UBN1: variants seen among roughly 807,000 people sequenced by gnomAD.
UBN1 encodes ubinuclein 1.
UBN1 carries 17 observed loss-of-function variants against 108.5 expected under a neutral mutation model. The observed-to-expected ratio is 0.16, with a 90% CI of 0.11 to 0.24. The LOEUF (loss-of-function observed/expected upper bound fraction) is 0.24, where lower values mean the gene tolerates loss of function less well. Ranked by LOEUF, UBN1 falls within the 10% of genes least tolerant of loss-of-function variation. The pLI is 1.00. For missense variants in UBN1, 1,595 were observed against 1,394.4 expected (o/e 1.14, Z -2.29); for synonymous variants, 726 against 564.2 (o/e 1.29, Z -4.07).
intron 5 of UBN1, 28 bp from the exon 6 acceptor site, chr16:4,859,837 G>A: frequency 2.5e-6 from 4 of 1,613,278 alleles, no homozygotes; most frequent in Non-Finnish European, 3.4e-6. Flanking sequence ...AGGGAGCCGT[G>A]TAACTGTGCC....
intron 15 of UBN1, among the ~76,000 whole-genome samples, chr16:4,876,494 T>G (rs571111213): frequency 8.4e-4 from 127 of 152,084 alleles, no homozygotes; most frequent in African/African-American, 3.0e-3. Context: ...CATGAACATT[T>G]ATGGATATCT....
rs1481015612 is a variant in UBN1 at position 4,860,778 on chromosome 16, G to A, written c.786G>A (p.Arg262=). ...FQKEKEAQKK[R]EEEHKPVAVP... is the part of the protein sequence containing the mutation. ...AAGAGAAAGAGGCTCAGAAAAAAAG[G>A]GAGGAGGAGCATAAGCCTGTTGCGG... Residue 262 remains arginine (R), a synonymous_variant, in exon 7 of 18, where the codon AGG becomes AGA. Transcript: ENST00000262376. 4 of 1,614,286 alleles carry A rather than the reference G, an allele frequency of 2.5e-6. No individual in the cohort carries two copies. In the Admixed American group the frequency reaches 5.0e-5, roughly 20 times the overall value.
chr16:4,863,587 C>G (rs1011553819), intron 7 of UBN1, among the ~76,000 whole-genome samples: 1 of 152,094 alleles, frequency 6.6e-6, no homozygotes, highest in South Asian at 2.1e-4. Flanking sequence ...TTACGTGTTT[C>G]TCACTTTATT....
chr16:4,879,139 G>A (rs1347528191), intron 17 of UBN1, among the ~76,000 whole-genome samples: 1 of 152,210 alleles, frequency 6.6e-6, no homozygotes, highest in Non-Finnish European at 1.5e-5. Flanking sequence ...TGTAGTTTCA[G>A]TTAGGAGGAG....
chr16:4,862,306 C>T (rs2087105182), intron 7 of UBN1, among the ~76,000 whole-genome samples: 1 of 152,186 alleles, frequency 6.6e-6, no homozygotes, highest in African/African-American at 2.4e-5. Flanking sequence ...ATTTGAACAC[C>T]ATATACAAAG....
chr16:4,873,007 T>G, intron 13 of UBN1, 24 bp from the exon 14 acceptor site: 1 of 1,614,230 alleles, frequency 6.2e-7, no homozygotes, highest in Non-Finnish European at 8.5e-7. Flanking sequence ...CTCTAAACTT[T>G]TCTGTGCTCA....
At chr16:4,865,792 C>G (rs1482068478) in intron 7 of UBN1, among the ~76,000 whole-genome samples, 2 of 152,036 alleles carry the variant, frequency 1.3e-5, no homozygotes, top group African/African-American at 4.8e-5. Context: ...GAAACCCCAT[C>G]TCTACTAAAA....
At chr16:4,876,152 G>A (rs1055194190) in intron 15 of UBN1, among the ~76,000 whole-genome samples, 3 of 152,026 alleles carry the variant, frequency 2.0e-5, no homozygotes. Context: ...TAGAGATGGA[G>A]TTTCACCATG....
chr16:4,865,909 C>T (rs1028013933), intron 7 of UBN1, among the ~76,000 whole-genome samples: 12 of 152,070 alleles, frequency 7.9e-5, no homozygotes, highest in African/African-American at 2.2e-4. Flanking sequence ...TTGCAGTGAG[C>T]TGAGATCACG....
At chr16:4,866,141 T>A in intron 7 of UBN1, among the ~76,000 whole-genome samples, 1 of 152,180 alleles carries the variant, frequency 6.6e-6, no homozygotes, top group South Asian at 2.1e-4. Flanking sequence ...AAAGTTCAGT[T>A]TTATTTTTTC....
At chr16:4,863,666 C>G (rs9923205) in intron 7 of UBN1, among the ~76,000 whole-genome samples, 1 of 152,024 alleles carries the variant, frequency 6.6e-6, no homozygotes, top group African/African-American at 2.4e-5. Flanking sequence ...CATCTTGGCC[C>G]TAGGTGACAC....
intron 17 of UBN1, among the ~76,000 whole-genome samples, chr16:4,879,324 G>T (rs2088008953): frequency 6.6e-6 from 1 of 151,508 alleles, no homozygotes; most frequent in South Asian, 2.1e-4. Flanking sequence ...TCAGAGGCTG[G>T]ATGTGGTGGC....
intron 1 of UBN1, among the ~76,000 whole-genome samples, chr16:4,849,295 A>C (rs1263380117): frequency 1.3e-5 from 2 of 152,202 alleles, no homozygotes; most frequent in African/African-American, 4.8e-5. Flanking sequence ...TTTTTGGAAA[A>C]GGGAAGACAG....
intron 4 of UBN1, 142 bp from the exon 5 acceptor site, chr16:4,858,883 A>T (rs756541183): frequency 1.7e-6 from 2 of 1,159,514 alleles, no homozygotes; most frequent in East Asian, 2.3e-5. Context: ...TGTAGCTCAG[A>T]CATTCATGTT....
chr16:4,868,265 C>T (rs1260980874), intron 7 of UBN1, among the ~76,000 whole-genome samples: 1 of 152,154 alleles, frequency 6.6e-6, no homozygotes, highest in East Asian at 1.9e-4. Flanking sequence ...ACTGAAACTC[C>T]TATAATCTGG....
At chr16:4,858,765 T>A in intron 4 of UBN1, 102 bp downstream of exon 4, 1 of 1,157,608 alleles carries the variant, frequency 8.6e-7, no homozygotes, top group Non-Finnish European at 1.3e-6. Flanking sequence ...TCGTGCCCTC[T>A]TCCCAGCATG....
chr16:4,876,692 G>C (rs562753420), intron 15 of UBN1, among the ~76,000 whole-genome samples, 179 bp from the exon 16 acceptor site: 14 of 152,306 alleles, frequency 9.2e-5, no homozygotes, highest in African/African-American at 3.4e-4. Flanking sequence ...CATAAAGACT[G>C]TCCTGGATCC....
At position 4,877,656 on chromosome 16, in the gene UBN1, T is replaced by C. The variant is rs570220320; in HGVS notation, c.3355+182T>C. On this transcript the variant is annotated intron_variant, in intron 17 of 17. Coordinates refer to ENST00000262376, the MANE Select transcript of UBN1 (RefSeq NM_001079514.3). The surrounding 1 kb of genome is among the most constrained non-coding windows in gnomAD (Gnocchi z 4.3). ...TGACACGCACTTCTACTCTTGGGGT[T>C]TCCTCTGGTCCCCACTTGGAGCTGC... 3.8e-6 allele frequency: 5 copies of C among 1,304,202 alleles called. No homozygotes were observed. In the South Asian group the frequency reaches 9.1e-5, roughly 24 times the overall value. The allele number at this position is 1,304,202 out of a possible 1,614,324, so 80.8% of individuals were successfully genotyped here.
chr16:4,875,035 C>A lies in UBN1; in HGVS notation c.2625C>A (p.Thr875=), dbSNP rs1240498535. ...CCTCCAGCAGCAGCTCTCACAAGAC[C>A]CCAGCCTCGTCCTCTTCTGCCCTGA... ...LSASSSSSHK[T]PASSSSALSH... is the part of the protein sequence containing the mutation. Residue 875 remains threonine (T), a synonymous_variant, in exon 15 of 18, where the codon ACC becomes ACA. Transcript: ENST00000262376. 9 of 1,613,988 alleles carry A rather than the reference C, an allele frequency of 5.6e-6. No homozygotes were observed. The highest frequency in any genetic ancestry group is 7.6e-6 in the Non-Finnish European group (9 of 1,180,020).
Sources: gnomAD v4.1 joint callset for allele counts (sites outside exome capture counted in the v4.1 genomes callset) on GRCh38, gnomAD v4.1.1 for gene constraint, Gnocchi (gnomAD v3.1) non-coding constraint, MANE v1.5 for transcripts, NCBI Gene and HGNC (gene_info 2026-07-23, HGNC 2026-07-21) for gene names.